MSH4: variants seen among roughly 807,000 people sequenced by gnomAD.
MSH4 encodes mutS protein homolog 4.
Under a neutral mutation model 113.7 loss-of-function variants are expected in MSH4, and 106 were observed. The observed-to-expected ratio is 0.93, with a 90% CI of 0.80 to 1.10. The LOEUF is 1.10. Among genes scored for constraint, MSH4 ranks in the 50% least tolerant of loss-of-function variants. The probability of loss-of-function intolerance (pLI) is 0.00; values close to 1 mark genes in which losing one functional copy is unlikely to be tolerated. For synonymous variants in MSH4, 368 were observed against 380.2 expected, an observed-to-expected ratio of 0.97 and a Z score of 0.37; for missense variants, 1,061 against 1,093.7, an observed-to-expected ratio of 0.97 and a Z score of 0.42.
chr1:75,911,215 C>G (rs1571006146), intron 19 of MSH4, among the ~76,000 whole-genome samples: 1 of 151,812 alleles, frequency 6.6e-6, no homozygotes, highest in Non-Finnish European at 1.5e-5. Flanking sequence ...CCTTTGTTTT[C>G]TACACCTCCC....
At chr1:75,883,912 C>T in intron 15 of MSH4, 91 bp downstream of exon 15, 1 of 1,029,406 alleles carries the variant, frequency 9.7e-7, no homozygotes, top group Non-Finnish European at 1.4e-6. Context: ...GCCTAATTAA[C>T]CCAAGAACAG....
At chr1:75,904,354 TATC>T (rs1423246174) in intron 19 of MSH4, among the ~76,000 whole-genome samples, 1 of 152,120 alleles carries the variant, frequency 6.6e-6, no homozygotes, top group Non-Finnish European at 1.5e-5. Flanking sequence ...CTGGTTTTGA[TATC>T]AGGGTAATAC....
chr1:75,902,558 A>G (rs569087022), intron 19 of MSH4, among the ~76,000 whole-genome samples: 2 of 151,130 alleles, frequency 1.3e-5, no homozygotes, highest in Admixed American at 1.3e-4. Context: ...GGCTATTAGT[A>G]TTCCATGGTT....
chr1:75,887,209 GT>G (rs1304213398), intron 15 of MSH4, among the ~76,000 whole-genome samples: 1 of 151,942 alleles, frequency 6.6e-6, no homozygotes. Flanking sequence ...CCCCAATGTT[GT>G]TCTTGTGATA....
At chr1:75,811,091 C>A (rs1167786975) in intron 4 of MSH4, among the ~76,000 whole-genome samples, 1 of 152,208 alleles carries the variant, frequency 6.6e-6, no homozygotes, top group African/African-American at 2.4e-5. Flanking sequence ...AGGCTAGTTT[C>A]AAACTCCTGA....
chr1:75,807,782 CTG>C (rs5745335), intron 3 of MSH4, among the ~76,000 whole-genome samples: 37,927 of 151,994 alleles, frequency 0.25, 6,182 homozygotes, highest in East Asian at 0.67. Flanking sequence ...TGGGCTGTGT[CTG>C]TGAGGTTGCT....
In MSH4 at chr1:75,889,323, A is replaced by G. The variant is rs2100581761; in HGVS notation, c.2180A>G (p.Asp727Gly). Residue 727 changes from aspartate (D) to glycine (G), a missense_variant, in exon 16 of 20, where the codon GAT (aspartate) becomes GGT (glycine). By Grantham distance (94) the Asp-to-Gly change is moderately conservative. Transcript: ENST00000263187. ...KQIFTRISTD[D>G]DIETNSSTFM... ...ATTTTTACAAGAATTAGTACTGATG[A>G]TGATATCGAAACAAATTCATCAACA... 6.5e-7 allele frequency: 1 copy of G among 1,532,328 alleles called. No homozygotes were observed. The highest frequency in any genetic ancestry group is 8.9e-7 in the Non-Finnish European group (1 of 1,124,372). The allele number at this position is 1,532,328 out of a possible 1,614,324, so 94.9% of individuals were successfully genotyped here.
chr1:75,832,395 G>C (rs764975962), intron 7 of MSH4, among the ~76,000 whole-genome samples: 20 of 151,960 alleles, frequency 1.3e-4, no homozygotes, highest in Non-Finnish European at 2.4e-4. Flanking sequence ...AAATTATTCT[G>C]ATCAATAGAA....
At chr1:75,823,744 G>A (rs867920964) in intron 7 of MSH4, among the ~76,000 whole-genome samples, 1 of 152,086 alleles carries the variant, frequency 6.6e-6, no homozygotes, top group Non-Finnish European at 1.5e-5. Flanking sequence ...TTCTGTTCCT[G>A]CATTAGTTTG....
At chr1:75,906,691 A>G (rs1652663965) in intron 19 of MSH4, among the ~76,000 whole-genome samples, 1 of 145,914 alleles carries the variant, frequency 6.9e-6, no homozygotes, top group Non-Finnish European at 1.5e-5. Flanking sequence ...AGAAAGTAAC[A>G]AACAATGGAA....
intron 17 of MSH4, among the ~76,000 whole-genome samples, chr1:75,891,809 A>G (rs1652263908): frequency 6.6e-6 from 1 of 152,240 alleles, no homozygotes; most frequent in African/African-American, 2.4e-5. Flanking sequence ...AAAGTATGTG[A>G]TAAATCAAAA....
chr1:75,853,893 C>T lies in MSH4; in HGVS notation c.1230+5617C>T, dbSNP rs143359038. On this transcript the variant is annotated intron_variant, in intron 8 of 19. Coordinates refer to ENST00000263187, the MANE Select transcript of MSH4 (RefSeq NM_002440.4). Reference sequence around the variant, plus strand: ...GAATCAACTATTTCTCCCAGGAGTCCTGGTTCATTTTAGTAAGGAATGGTA... The same window carrying T: ...GAATCAACTATTTCTCCCAGGAGTCTTGGTTCATTTTAGTAAGGAATGGTA... Among the ~76,000 whole-genome samples, 944 of 151,568 alleles carry T rather than the reference C, an allele frequency of 6.2e-3. 16 individuals carry two copies. The highest frequency in any genetic ancestry group is 0.035 in the Admixed American group (531 of 15,168).
At chr1:75,888,484 G>A (rs1652176017) in intron 15 of MSH4, among the ~76,000 whole-genome samples, 1 of 151,536 alleles carries the variant, frequency 6.6e-6, no homozygotes, top group African/African-American at 2.4e-5. Context: ...TTTATTAAAT[G>A]TTTTGCTTTT....
At chr1:75,871,304 G>A (rs949019088) in intron 9 of MSH4, among the ~76,000 whole-genome samples, 9 of 152,120 alleles carry the variant, frequency 5.9e-5, no homozygotes, top group Non-Finnish European at 8.8e-5. Flanking sequence ...TGAGGATTAT[G>A]GGAATTCTAG....
At chr1:75,885,938 CAT>C (rs1652089383) in intron 15 of MSH4, among the ~76,000 whole-genome samples, 1 of 109,580 alleles carries the variant, frequency 9.1e-6, no homozygotes, top group Non-Finnish European at 1.7e-5. Flanking sequence ...TATTATATAA[CAT>C]ATATAATATA....
chr1:75,811,063 G>A (rs903540188), intron 4 of MSH4, among the ~76,000 whole-genome samples: 1 of 151,974 alleles, frequency 6.6e-6, no homozygotes, highest in Admixed American at 6.6e-5. Flanking sequence ...GTAGAAATGG[G>A]GTTTCACCAT....
At chr1:75,827,879 G>A (rs758921761) in intron 7 of MSH4, among the ~76,000 whole-genome samples, 1 of 152,110 alleles carries the variant, frequency 6.6e-6, no homozygotes, top group Non-Finnish European at 1.5e-5. Context: ...GACCTACAAG[G>A]AGACTTAGAC....
intron 3 of MSH4, among the ~76,000 whole-genome samples, chr1:75,808,707 T>G (rs1455109247): frequency 6.6e-6 from 1 of 152,160 alleles, no homozygotes; most frequent in African/African-American, 2.4e-5. Flanking sequence ...TTATTTCTAC[T>G]GAACTGTATT....
chr1:75,861,897 G>A (rs976909530), intron 8 of MSH4, among the ~76,000 whole-genome samples: 2 of 152,170 alleles, frequency 1.3e-5, no homozygotes, highest in Non-Finnish European at 1.5e-5. Context: ...AGAGGCAGTA[G>A]GCCTTGCTGA....
Sources: gnomAD v4.1 joint callset for allele counts (sites outside exome capture counted in the v4.1 genomes callset) on GRCh38, gnomAD v4.1.1 for gene constraint, MANE v1.5 for transcripts, NCBI Gene and HGNC (gene_info 2026-07-23, HGNC 2026-07-21) for gene names.